The following SOX5 variants were observed in gnomAD, a reference collection of about 807,000 sequenced individuals.
SOX5 encodes transcription factor SOX-5.
A neutral mutation model predicts 92.0 loss-of-function variants in SOX5; 9 were observed. The observed-to-expected ratio is 0.10, with a 90% CI of 0.06 to 0.17. The LOEUF (loss-of-function observed/expected upper bound fraction) is 0.17. SOX5 is among the 10% of genes least tolerant of loss of function. SOX5 has a pLI of 1.00. For missense variants in SOX5, 642 were observed against 944.5 expected (o/e 0.68, Z 4.20); for synonymous variants, 344 against 336.3 (o/e 1.02, Z -0.25).
intron 6 of SOX5, among the ~76,000 whole-genome samples, chr12:23,723,164 C>T (rs900062705): frequency 6.6e-6 from 1 of 151,904 alleles, no homozygotes; most frequent in Non-Finnish European, 1.5e-5. Context: ...ATCTGGGAAA[C>T]CTTTCTTTGG....
At chr12:24,446,700 G>C (rs1941532547) in intron 1 of SOX5, among the ~76,000 whole-genome samples, 1 of 152,198 alleles carries the variant, frequency 6.6e-6, no homozygotes. Context: ...TTGCCACAGA[G>C]CAGGCAAGAG....
intron 1 of SOX5, among the ~76,000 whole-genome samples, chr12:24,451,069 A>T (rs1224799487): frequency 1.3e-5 from 2 of 152,148 alleles, no homozygotes; most frequent in African/African-American, 4.8e-5. Flanking sequence ...TGCCTGGCTT[A>T]TTTCACTTAA....
chr12:23,883,436 A>G (rs956245567), intron 2 of SOX5, among the ~76,000 whole-genome samples: 4 of 152,210 alleles, frequency 2.6e-5, no homozygotes, highest in Admixed American at 6.5e-5. Flanking sequence ...CTGATAAATA[A>G]TCATAATTAG....
At chr12:23,730,105 A>G (rs555296104) in intron 6 of SOX5, among the ~76,000 whole-genome samples, 4 of 152,314 alleles carry the variant, frequency 2.6e-5, no homozygotes, top group African/African-American at 7.2e-5. Flanking sequence ...TACTGGAAAC[A>G]TAAAGCAACT....
chr12:24,206,044 T>C (rs1202279486), intron 4 of SOX5, among the ~76,000 whole-genome samples: 5 of 152,180 alleles, frequency 3.3e-5, no homozygotes, highest in African/African-American at 1.2e-4. Context: ...AAATGTAATA[T>C]CAACTGTAAA....
intron 4 of SOX5, among the ~76,000 whole-genome samples, chr12:24,115,802 T>C (rs891886836): frequency 3.9e-5 from 6 of 152,196 alleles, no homozygotes; most frequent in Non-Finnish European, 5.9e-5. Flanking sequence ...AAAATTAACA[T>C]ATAAATAATT....
chr12:23,670,833 A>G (rs1297066622), intron 6 of SOX5, among the ~76,000 whole-genome samples: 1 of 152,116 alleles, frequency 6.6e-6, no homozygotes, highest in African/African-American at 2.4e-5. Context: ...AAAGAGTGAT[A>G]GAAGATGCCA....
At chr12:23,537,051 T>C (rs763999402) in intron 13 of SOX5, among the ~76,000 whole-genome samples, 20 of 152,156 alleles carry the variant, frequency 1.3e-4, no homozygotes, top group Non-Finnish European at 2.2e-4. Context: ...TATCTAGTTA[T>C]TGAATATTTT....
At chr12:24,426,385 A>T (rs1219217548) in intron 1 of SOX5, among the ~76,000 whole-genome samples, 1 of 152,222 alleles carries the variant, frequency 6.6e-6, no homozygotes, top group East Asian at 1.9e-4. Flanking sequence ...GGTGCAGCAA[A>T]CCAACATGGC....
At chr12:23,560,073 G>C (rs1325613663) in intron 11 of SOX5, among the ~76,000 whole-genome samples, 11 of 152,062 alleles carry the variant, frequency 7.2e-5, no homozygotes, top group African/African-American at 2.4e-4. Flanking sequence ...CCACACCCGG[G>C]TAATTTTTTG....
chr12:23,872,385 T>C (rs973552151), intron 2 of SOX5, among the ~76,000 whole-genome samples: 9 of 151,894 alleles, frequency 5.9e-5, no homozygotes, highest in Non-Finnish European at 8.8e-5. Context: ...TGACTAACAA[T>C]TCTACGAGCT....
chr12:24,076,210 A>G (rs769919736), intron 4 of SOX5, among the ~76,000 whole-genome samples: 5 of 152,098 alleles, frequency 3.3e-5, no homozygotes, highest in Non-Finnish European at 7.4e-5. Context: ...CCCTTTAATT[A>G]AAATGGTGAC....
chr12:24,168,124 C>A (rs1433902705), intron 4 of SOX5, among the ~76,000 whole-genome samples: 1 of 152,140 alleles, frequency 6.6e-6, no homozygotes, highest in Non-Finnish European at 1.5e-5. Context: ...AAAATTTATG[C>A]ATATTTTGGA....
chr12:24,458,543 G>A (rs1204868347), intron 1 of SOX5, among the ~76,000 whole-genome samples: 3 of 152,038 alleles, frequency 2.0e-5, no homozygotes, highest in Admixed American at 6.6e-5. Flanking sequence ...CAAATCTCTG[G>A]GGGGTAGGAT....
At chr12:23,891,835 T>A (rs1379362993) in intron 2 of SOX5, among the ~76,000 whole-genome samples, 1 of 152,198 alleles carries the variant, frequency 6.6e-6, no homozygotes, top group African/African-American at 2.4e-5. Context: ...AAATGTATCT[T>A]AATCAGTTTA....
intron 1 of SOX5, among the ~76,000 whole-genome samples, chr12:24,540,036 A>C (rs1209843144): frequency 6.6e-6 from 1 of 152,124 alleles, no homozygotes; most frequent in Non-Finnish European, 1.5e-5. Flanking sequence ...GTGCCTTCAA[A>C]TGACATAAAA....
At chr12:23,960,376 C>A (rs1281883624) in intron 4 of SOX5, among the ~76,000 whole-genome samples, 2 of 151,382 alleles carry the variant, frequency 1.3e-5, no homozygotes, top group East Asian at 3.9e-4. Flanking sequence ...AAATGCCTAC[C>A]AAAATTACAA....
At chr12:24,544,427 C>G (rs1566436539) in intron 1 of SOX5, among the ~76,000 whole-genome samples, 5 of 151,934 alleles carry the variant, frequency 3.3e-5, no homozygotes, top group African/African-American at 7.3e-5. Context: ...AAAAAAGAAA[C>G]AATGGAAGAA....
At chr12:24,213,803 C>A (rs949118824) in intron 3 of SOX5, among the ~76,000 whole-genome samples, 3 of 152,080 alleles carry the variant, frequency 2.0e-5, no homozygotes, top group South Asian at 2.1e-4. Context: ...ACTTAAAAGT[C>A]ATCATATGAT....
Sources: allele counts gnomAD v4.1 joint callset (sites outside exome capture counted in the v4.1 genomes callset), GRCh38; gene constraint gnomAD v4.1.1; transcripts MANE v1.5; gene names NCBI Gene and HGNC (gene_info 2026-07-23, HGNC 2026-07-21).